Variants in BLTP3B observed in about 807,000 individuals in gnomAD.
BLTP3B encodes bridge-like lipid transfer protein family member 3B, also known as UHRF1 (ICBP90) binding protein 1-like.
At chr12:100,065,115 C>G in the BLTP3B span, among the ~76,000 whole-genome samples, 8 of 152,222 alleles carry the variant, frequency 5.3e-5, no homozygotes, top group Non-Finnish European at 8.8e-5. Flanking sequence ...GTGAAGATTT[C>G]ATGGACATTT....
the BLTP3B span, among the ~76,000 whole-genome samples, chr12:100,080,914 G>A: frequency 6.6e-6 from 1 of 152,176 alleles, no homozygotes; most frequent in African/African-American, 2.4e-5. Context: ...GGAGGAAGCT[G>A]GTGGAAGGTG....
the BLTP3B span, among the ~76,000 whole-genome samples, chr12:100,099,282 C>T: frequency 5.0e-4 from 76 of 151,144 alleles, no homozygotes; most frequent in African/African-American, 1.8e-3. Context: ...GCGTGAGCCA[C>T]CAGGCCCAGT....
At chr12:100,048,045 A>G in the BLTP3B span, 26 of 1,612,200 alleles carry the variant, frequency 1.6e-5, no homozygotes, top group Admixed American at 4.4e-4. Context: ...GAGAAGATGT[A>G]AGAAACTCAG....
chr12:100,125,814 C>T, the BLTP3B span, among the ~76,000 whole-genome samples: 1 of 152,200 alleles, frequency 6.6e-6, no homozygotes. Flanking sequence ...TTTTCAAGAA[C>T]TTCACATTTT....
At chr12:100,123,095 C>T in the BLTP3B span, among the ~76,000 whole-genome samples, 1 of 152,168 alleles carries the variant, frequency 6.6e-6, no homozygotes, top group Non-Finnish European at 1.5e-5. Flanking sequence ...TACATGTTTG[C>T]CTCTCCCCAA....
the BLTP3B span, chr12:100,059,633 T>C: frequency 7.6e-7 from 1 of 1,308,900 alleles, no homozygotes; most frequent in Non-Finnish European, 1.0e-6. Flanking sequence ...TCTTGACCTT[T>C]CCCCCAAAAT....
the BLTP3B span, among the ~76,000 whole-genome samples, chr12:100,142,106 T>G: frequency 5.9e-5 from 9 of 152,176 alleles, no homozygotes; most frequent in South Asian, 1.9e-3. Flanking sequence ...ATCACAAGGT[T>G]AACGTTCCAC....
At chr12:100,042,673 T>C in the BLTP3B span, among the ~76,000 whole-genome samples, 3 of 152,176 alleles carry the variant, frequency 2.0e-5, no homozygotes, top group Non-Finnish European at 4.4e-5. Flanking sequence ...TCTTAAGAAA[T>C]TGCCATAGCC....
At chr12:100,110,726 G>A in the BLTP3B span, among the ~76,000 whole-genome samples, 1 of 151,954 alleles carries the variant, frequency 6.6e-6, no homozygotes, top group Non-Finnish European at 1.5e-5. Flanking sequence ...AAAGGGGGTA[G>A]GGAAAGAAAG....
the BLTP3B span, among the ~76,000 whole-genome samples, chr12:100,048,767 A>AGTGT: frequency 2.8e-4 from 31 of 111,912 alleles, no homozygotes; most frequent in African/African-American, 1.1e-3. Flanking sequence ...AGAGAGTGAG[A>AGTGT]GTGAGTGTGT....
At chr12:100,077,584 G>T in the BLTP3B span, among the ~76,000 whole-genome samples, 1 of 152,202 alleles carries the variant, frequency 6.6e-6, no homozygotes, top group East Asian at 1.9e-4. Context: ...CTGTCCAGTT[G>T]TGACAACCAA....
the BLTP3B span, among the ~76,000 whole-genome samples, chr12:100,130,558 C>T: frequency 2.6e-5 from 4 of 151,694 alleles, no homozygotes; most frequent in Admixed American, 2.0e-4. Context: ...ATAAATCTTA[C>T]ATTTTATGGA....
chr12:100,087,192 A>G, the BLTP3B span, among the ~76,000 whole-genome samples: 5 of 151,166 alleles, frequency 3.3e-5, no homozygotes, highest in African/African-American at 1.2e-4. Context: ...GGAAATTATT[A>G]AAAGTCTGTT....
chr12:100,106,383 C>A, the BLTP3B span, among the ~76,000 whole-genome samples: 1 of 151,606 alleles, frequency 6.6e-6, no homozygotes, highest in East Asian at 1.9e-4. Flanking sequence ...TGAGTGGTTA[C>A]AGAAAATGTG....
At chr12:100,103,043 T>G in the BLTP3B span, among the ~76,000 whole-genome samples, 1 of 152,052 alleles carries the variant, frequency 6.6e-6, no homozygotes, top group Non-Finnish European at 1.5e-5. Context: ...AAGCACTCAA[T>G]CAGTTCTCAA....
the BLTP3B span, chr12:100,057,696 G>C: frequency 6.2e-7 from 1 of 1,611,814 alleles, no homozygotes; most frequent in Admixed American, 1.7e-5. Flanking sequence ...ATTCTTATAA[G>C]AAACACAGAG....
chr12:100,040,031 AATTT>A, the BLTP3B span, among the ~76,000 whole-genome samples: 1 of 150,020 alleles, frequency 6.7e-6, no homozygotes, highest in Admixed American at 6.6e-5. Flanking sequence ...TTAATTACAT[AATTT>A]ATTATGTTTT....
At chr12:100,047,536 T>C in the BLTP3B span, 10 of 1,604,688 alleles carry the variant, frequency 6.2e-6, no homozygotes, top group Non-Finnish European at 1.7e-6. Context: ...ATACCTCTGA[T>C]ATGAAAAGAG....
At chr12:100,115,678 C>T in the BLTP3B span, among the ~76,000 whole-genome samples, 1 of 151,934 alleles carries the variant, frequency 6.6e-6, no homozygotes, top group Non-Finnish European at 1.5e-5. Flanking sequence ...GTAGGAAGAT[C>T]CCTCAAGCCC....
Sources: allele counts gnomAD v4.1 joint callset (sites outside exome capture counted in the v4.1 genomes callset), GRCh38; gene constraint gnomAD v4.1.1; transcripts MANE v1.5; gene names NCBI Gene and HGNC (gene_info 2026-07-23, HGNC 2026-07-21).